Variants in RABEP1 observed in about 807,000 individuals in gnomAD.
RABEP1 encodes the protein rabaptin, RAB GTPase binding effector protein 1, also known as rab GTPase-binding effector protein 1.
Under a neutral mutation model 123.4 loss-of-function variants are expected in RABEP1, and 51 were observed. That is an observed-to-expected ratio of 0.41 (90% CI 0.33 to 0.52). The LOEUF (loss-of-function observed/expected upper bound fraction) is 0.52. Ranked by LOEUF, RABEP1 falls within the 20% of genes least tolerant of loss-of-function variation. The pLI, the probability that RABEP1 is intolerant of heterozygous loss-of-function variation, is 0.16. For missense variants in RABEP1, 888 were observed against 996.3 expected (o/e 0.89, Z 1.46); for synonymous variants, 347 against 355.2 (o/e 0.98, Z 0.26).
intron 1 of RABEP1, among the ~76,000 whole-genome samples, chr17:5,282,828 C>G (rs1597317073): frequency 6.6e-6 from 1 of 151,402 alleles, no homozygotes; most frequent in Non-Finnish European, 1.5e-5. Flanking sequence ...AGCGGGGGAC[C>G]GGCACGTGGG....
intron 2 of RABEP1, among the ~76,000 whole-genome samples, chr17:5,329,443 A>G (rs982934504): frequency 5.9e-5 from 9 of 152,340 alleles, no homozygotes; most frequent in African/African-American, 2.2e-4. Flanking sequence ...AAGCAGGACA[A>G]TCTGTTGAAC....
chr17:5,326,108 T>C (rs1459065163), intron 2 of RABEP1, among the ~76,000 whole-genome samples: 2 of 152,218 alleles, frequency 1.3e-5, no homozygotes, highest in Non-Finnish European at 2.9e-5. Flanking sequence ...AAACTAGGCA[T>C]ACTCTTGCCT....
intron 2 of RABEP1, among the ~76,000 whole-genome samples, chr17:5,329,170 C>T (rs575995641): frequency 5.9e-5 from 9 of 151,738 alleles, no homozygotes; most frequent in South Asian, 4.2e-4. Flanking sequence ...CTGTACAGTA[C>T]GTTAGATAAT....
chr17:5,367,387 T>G (rs1037520326), intron 11 of RABEP1, among the ~76,000 whole-genome samples: 1 of 151,806 alleles, frequency 6.6e-6, no homozygotes, highest in Non-Finnish European at 1.5e-5. Context: ...TTCTCCTGCC[T>G]CAGCCTCCTG....
Position 5,383,351 on chromosome 17 carries a change from T to A in RABEP1, c.*128T>A. On this transcript the variant is annotated 3_prime_UTR_variant, in exon 18 of 18. Coordinates refer to ENST00000537505, the MANE Select transcript of RABEP1 (RefSeq NM_004703.6). ...ACAAAAGGAAGACTGGAGAAATGCT[T>A]ACTTCTAGAGGGAGAAGACTGTGCG... 2 of 770,370 alleles carry A rather than the reference T, an allele frequency of 2.6e-6. No individual in the cohort carries two copies. The highest frequency in any genetic ancestry group is 4.3e-6 in the Non-Finnish European group (2 of 464,430). 47.7% of individuals were successfully genotyped at this position (770,370 alleles called of 1,614,324 possible).
At chr17:5,329,766 TCTC>T (rs1279560482) in intron 2 of RABEP1, among the ~76,000 whole-genome samples, 1 of 150,746 alleles carries the variant, frequency 6.6e-6, no homozygotes, top group Non-Finnish European at 1.5e-5. Context: ...TAAATTTCTG[TCTC>T]CTGTTTTTTT....
At chr17:5,297,515 G>A (rs2075094387) in intron 1 of RABEP1, among the ~76,000 whole-genome samples, 1 of 152,180 alleles carries the variant, frequency 6.6e-6, no homozygotes, top group South Asian at 2.1e-4. Context: ...AACCAGGCAG[G>A]TCAGTGTTTG....
chr17:5,361,827 G>T (rs1406593972), intron 9 of RABEP1, 152 bp downstream of exon 9: 10 of 642,818 alleles, frequency 1.6e-5, no homozygotes, highest in Non-Finnish European at 2.6e-5. Flanking sequence ...CCTGACCCTT[G>T]TCATAGTCTG....
At chr17:5,337,522 A>T (rs182645967) in intron 4 of RABEP1, among the ~76,000 whole-genome samples, 2 of 151,756 alleles carry the variant, frequency 1.3e-5, no homozygotes, top group Admixed American at 6.6e-5. Flanking sequence ...TGTCTCTACT[A>T]AAAATAATAA....
chr17:5,315,363 CAA>C (rs1379346296), intron 2 of RABEP1, among the ~76,000 whole-genome samples: 3 of 151,654 alleles, frequency 2.0e-5, no homozygotes, highest in East Asian at 1.9e-4. Flanking sequence ...CCTAGTGAGA[CAA>C]AGAGGGAAAT....
At chr17:5,346,711 G>C (rs1047413802) in intron 5 of RABEP1, 79 bp from the exon 6 acceptor site, 35 of 1,227,448 alleles carry the variant, frequency 2.9e-5, no homozygotes, top group Non-Finnish European at 3.6e-5. Context: ...TTGAGGCATA[G>C]CCAGAACTTA....
rs1278617098 is a variant in RABEP1 at position 5,372,879 on chromosome 17, C to T, written c.1885-435C>T. ...CAAGCGATTCTCCGGCCTCAGCCTC[C>T]CTCCCTAGTTGCTGGGATTACAGGC... is the stretch of plus-strand genomic sequence containing the variant. On this transcript the variant is annotated intron_variant, in intron 12 of 17. Coordinates refer to ENST00000537505, the MANE Select transcript of RABEP1 (RefSeq NM_004703.6). Among the ~76,000 whole-genome samples, 6 of 152,134 alleles carry T rather than the reference C, an allele frequency of 3.9e-5. No individual in the cohort carries two copies. The East Asian group carries it at 9.6e-4, about 24-fold the overall frequency.
At chr17:5,339,653 C>T (rs1481783188) in intron 5 of RABEP1, among the ~76,000 whole-genome samples, 1 of 130,780 alleles carries the variant, frequency 7.6e-6, no homozygotes, top group Non-Finnish European at 1.6e-5. Flanking sequence ...CAAAAATTAG[C>T]CAGGCGTGGT....
intron 2 of RABEP1, among the ~76,000 whole-genome samples, chr17:5,330,284 T>C (rs1597361576): frequency 6.6e-6 from 1 of 152,178 alleles, no homozygotes; most frequent in East Asian, 1.9e-4. Context: ...TTTTAATTAA[T>C]GTTCTTAAAA....
intron 2 of RABEP1, among the ~76,000 whole-genome samples, chr17:5,317,626 G>GAGATATAT (rs1371632061): frequency 6.7e-6 from 1 of 149,522 alleles, no homozygotes; most frequent in Non-Finnish European, 1.5e-5. Flanking sequence ...TACTGGAAAG[G>GAGATATAT]ATATATATAT....
chr17:5,383,193 G>A lies in RABEP1; in HGVS notation c.2559G>A (p.Leu853=). Residue 853 remains leucine, a synonymous_variant, in exon 18 of 18, where the codon CTG becomes CTA. Transcript: ENST00000537505. The stretch of plus-strand genomic sequence containing the variant: ...GGGCAATTCTGAATGATACTAAACT[G>A]ACAGACATTAACCAGCTTCCTGAGA... ...RIRAILNDTK[L]TDINQLPET The A allele has an allele frequency of 1.2e-6, 2 of 1,614,084 alleles. No individual in the cohort carries two copies. Among genetic ancestry groups the A allele is most frequent in the Non-Finnish European group, 1.7e-6 (2 of 1,180,012 alleles).
chr17:5,317,642 T>TATATATAC (rs1567878416), intron 2 of RABEP1, among the ~76,000 whole-genome samples: 2 of 151,730 alleles, frequency 1.3e-5, no homozygotes, highest in Middle Eastern at 3.2e-3. Flanking sequence ...TATATATATA[T>TATATATAC]ATATATGTAG....
intron 1 of RABEP1, among the ~76,000 whole-genome samples, chr17:5,303,377 G>C (rs1348236660): frequency 2.0e-5 from 3 of 152,126 alleles, no homozygotes; most frequent in Non-Finnish European, 4.4e-5. Context: ...AAGTAGCTGA[G>C]ATGACAGGCA....
In RABEP1 at chr17:5,361,444, A is replaced by G; in HGVS notation, c.1332A>G (p.Gly444=). 6.2e-7 allele frequency: 1 copy of G among 1,614,206 alleles called. No individual in the cohort carries two copies. Among genetic ancestry groups the G allele is most frequent in the Non-Finnish European group, 8.5e-7 (1 of 1,180,036 alleles). The change falls in exon 9 of 18, where the codon GGA becomes GGG. Residue 444 remains glycine, a synonymous_variant. Coordinates refer to ENST00000537505, the MANE Select transcript of RABEP1 (RefSeq NM_004703.6). ...AGTCAGATTTTGGACCACTGGTAGG[A>G]GCAGATTCAGTGTCTGAGAACTTTG... ...LDESDFGPLV[G]ADSVSENFDT...
Sources: allele counts gnomAD v4.1 joint callset (sites outside exome capture counted in the v4.1 genomes callset), GRCh38; gene constraint gnomAD v4.1.1; transcripts MANE v1.5; gene names NCBI Gene and HGNC (gene_info 2026-07-23, HGNC 2026-07-21).